TCERG1L: variants seen among roughly 807,000 people sequenced by gnomAD.
TCERG1L encodes the protein transcription elongation regulator 1-like protein.
Under a neutral mutation model 56.3 loss-of-function variants are expected in TCERG1L, and 37 were observed. That is an observed-to-expected ratio of 0.66 (90% confidence interval 0.51 to 0.87). TCERG1L has a LOEUF of 0.87. Among genes scored for constraint, TCERG1L ranks in the 40% least tolerant of loss-of-function variants. The pLI is 0.00. For synonymous variants in TCERG1L, 324 were observed against 326.3 expected, an observed-to-expected ratio of 0.99 and a Z score of 0.08; for missense variants, 799 against 774.2, an observed-to-expected ratio of 1.03 and a Z score of -0.38.
intron 8 of TCERG1L, among the ~76,000 whole-genome samples, chr10:131,119,776 G>A (rs1845495503): frequency 6.6e-6 from 1 of 152,212 alleles, no homozygotes; most frequent in African/African-American, 2.4e-5. Flanking sequence ...TCAACCCACG[G>A]TTTTCCTGCT....
intron 4 of TCERG1L, among the ~76,000 whole-genome samples, chr10:131,239,439 G>A (rs1254861171): frequency 6.6e-6 from 1 of 152,186 alleles, no homozygotes; most frequent in East Asian, 1.9e-4. Flanking sequence ...CTTGCTATCT[G>A]CTTATTTATT....
chr10:131,250,392 A>G (rs1013883549), intron 4 of TCERG1L, among the ~76,000 whole-genome samples: 16 of 152,104 alleles, frequency 1.1e-4, no homozygotes, highest in African/African-American at 3.9e-4. Flanking sequence ...ATCGTGGGCT[A>G]TTTTCCTTTT....
chr10:131,285,115 C>T (rs1846506827), intron 3 of TCERG1L, among the ~76,000 whole-genome samples: 1 of 152,118 alleles, frequency 6.6e-6, no homozygotes, highest in African/African-American at 2.4e-5. Flanking sequence ...CAGTGGCTCA[C>T]ACCTTTAATC....
chr10:131,207,075 G>A (rs918713698), intron 4 of TCERG1L, among the ~76,000 whole-genome samples: 3 of 152,190 alleles, frequency 2.0e-5, no homozygotes, highest in Admixed American at 6.5e-5. Context: ...TTCAGCGAGC[G>A]TCGGAGTGGG....
At chr10:131,163,806 C>T (rs749686963) in intron 5 of TCERG1L, among the ~76,000 whole-genome samples, 11 of 152,172 alleles carry the variant, frequency 7.2e-5, no homozygotes, top group Non-Finnish European at 1.3e-4. Context: ...TTCTGACACT[C>T]AGTTGGTCCA....
At chr10:131,116,548 CACTT>C (rs1478501684) in intron 9 of TCERG1L, among the ~76,000 whole-genome samples, 2 of 152,202 alleles carry the variant, frequency 1.3e-5, no homozygotes, top group African/African-American at 4.8e-5. Flanking sequence ...GGCCTCCACT[CACTT>C]AGCACCTGCC....
intron 3 of TCERG1L, among the ~76,000 whole-genome samples, chr10:131,282,246 G>A (rs1355844506): frequency 6.8e-6 from 1 of 147,476 alleles, no homozygotes; most frequent in East Asian, 2.1e-4. Context: ...TAGGTATTTA[G>A]ACCCCACGCT....
intron 9 of TCERG1L, among the ~76,000 whole-genome samples, chr10:131,105,117 C>G (rs912794287): frequency 6.6e-6 from 1 of 152,240 alleles, no homozygotes; most frequent in Non-Finnish European, 1.5e-5. Context: ...GAGCCCTGGT[C>G]AGGTGCATTG....
chr10:131,151,191 G>A (rs919152812), intron 6 of TCERG1L, among the ~76,000 whole-genome samples: 22 of 151,946 alleles, frequency 1.4e-4, no homozygotes. Context: ...CTTTCCAACG[G>A]TCCCCCAAAG....
intron 6 of TCERG1L, among the ~76,000 whole-genome samples, chr10:131,150,771 A>G (rs1011065895): frequency 6.6e-6 from 1 of 152,198 alleles, no homozygotes; most frequent in Non-Finnish European, 1.5e-5. Context: ...CAGTGGCTGT[A>G]TGAGTCCATT....
chr10:131,290,345 C>T (rs996541036), intron 3 of TCERG1L, among the ~76,000 whole-genome samples: 1 of 152,106 alleles, frequency 6.6e-6, no homozygotes, highest in African/African-American at 2.4e-5. Context: ...AAAAACTTAA[C>T]ATTAGGCCGG....
rs1326605454 is a variant in TCERG1L at position 131,260,005 on chromosome 10, A to G, written c.856+254T>C. 6.6e-6 allele frequency among the ~76,000 whole-genome samples: 1 copy of G among 152,224 alleles called. No homozygotes were observed. The highest frequency in any genetic ancestry group is 1.5e-5 in the Non-Finnish European group (1 of 68,032). ...AGTAAAGAGAAGTCTCATTTCCTCA[A>G]ACGGAAGCTTTCACCTTGGCTTTAC... On this transcript the variant is annotated intron_variant, in intron 4 of 11. Transcript: ENST00000368642. This position sits in a 1 kb window ranked among gnomAD's most constrained non-coding sequence, Gnocchi z 5.8.
chr10:131,254,077 G>A (rs771126245), intron 4 of TCERG1L, among the ~76,000 whole-genome samples: 1 of 152,188 alleles, frequency 6.6e-6, no homozygotes, highest in Non-Finnish European at 1.5e-5. Context: ...CTGGCCACAT[G>A]AGACACCAGG....
chr10:131,149,678 C>A (rs1845842264), intron 6 of TCERG1L, among the ~76,000 whole-genome samples: 1 of 152,210 alleles, frequency 6.6e-6, no homozygotes, highest in South Asian at 2.1e-4. Context: ...ATTAGCTCCC[C>A]ACGAGGCCTG....
intron 7 of TCERG1L, among the ~76,000 whole-genome samples, chr10:131,136,742 C>CA (rs1438607623): frequency 2.6e-5 from 4 of 151,518 alleles, no homozygotes; most frequent in Non-Finnish European, 5.9e-5. Context: ...GTGATTCGCC[C>CA]CCCTCAGCCT....
At chr10:131,172,888 ATTTTT>A in intron 4 of TCERG1L, among the ~76,000 whole-genome samples, 1 of 135,464 alleles carries the variant, frequency 7.4e-6, no homozygotes, top group Non-Finnish European at 1.6e-5. Flanking sequence ...ATAATCAATG[ATTTTT>A]TTTTTTTTTT....
intron 6 of TCERG1L, among the ~76,000 whole-genome samples, chr10:131,147,412 T>C (rs1469746449): frequency 6.6e-6 from 1 of 152,026 alleles, no homozygotes; most frequent in Non-Finnish European, 1.5e-5. Flanking sequence ...GGCATGGAGG[T>C]GCACGGGAGA....
chr10:131,248,544 C>T (rs552897292), intron 4 of TCERG1L, among the ~76,000 whole-genome samples: 3 of 152,284 alleles, frequency 2.0e-5, no homozygotes, highest in South Asian at 2.1e-4. Context: ...GCCTCCCCCA[C>T]GCAGGCCAAT....
At chr10:131,145,420 G>A (rs1186063936) in intron 7 of TCERG1L, among the ~76,000 whole-genome samples, 5 of 152,140 alleles carry the variant, frequency 3.3e-5, no homozygotes, top group African/African-American at 1.2e-4. Context: ...AACTCCATAT[G>A]GACCTTGGAG....
Sources: gnomAD v4.1 joint callset for allele counts (sites outside exome capture counted in the v4.1 genomes callset) on GRCh38, gnomAD v4.1.1 for gene constraint, Gnocchi (gnomAD v3.1) non-coding constraint, MANE v1.5 for transcripts, NCBI Gene and HGNC (gene_info 2026-07-23, HGNC 2026-07-21) for gene names.